The following SLC7A2 variants were observed in gnomAD, a reference collection of about 807,000 sequenced individuals.
SLC7A2 encodes the protein solute carrier family 7 member 2.
A neutral mutation model predicts 58.9 loss-of-function variants in SLC7A2; 48 were observed. The observed-to-expected ratio is 0.82, with a 90% CI of 0.65 to 1.04. SLC7A2 has a LOEUF of 1.04. Among genes scored for constraint, SLC7A2 ranks in the 50% least tolerant of loss-of-function variants. The pLI, the probability that SLC7A2 is intolerant of heterozygous loss-of-function variation, is 0.00. For synonymous variants in SLC7A2, 363 were observed against 314.5 expected, an observed-to-expected ratio of 1.15 and a Z score of -1.63; for missense variants, 1,029 against 818.8, an observed-to-expected ratio of 1.26 and a Z score of -3.13.
At chr8:17,548,018 C>G (rs1354020731) in intron 4 of SLC7A2, among the ~76,000 whole-genome samples, 1 of 152,116 alleles carries the variant, frequency 6.6e-6, no homozygotes, top group East Asian at 1.9e-4. Context: ...GCATGGCAGA[C>G]AAATGTTTTA....
intron 2 of SLC7A2, among the ~76,000 whole-genome samples, chr8:17,539,809 C>T (rs1801832053): frequency 6.6e-6 from 1 of 152,156 alleles, no homozygotes; most frequent in Non-Finnish European, 1.5e-5. Context: ...ATGGAATCAC[C>T]TCCAAAACCC....
intron 9 of SLC7A2, among the ~76,000 whole-genome samples, chr8:17,559,359 C>G (rs533095586): frequency 2.6e-4 from 40 of 152,250 alleles, no homozygotes; most frequent in Middle Eastern, 6.8e-3. Flanking sequence ...GGGAAGCAAA[C>G]ATGTCCTTCT....
upstream of SLC7A2, among the ~76,000 whole-genome samples, chr8:17,495,312 G>C (rs958317978): frequency 5.9e-5 from 9 of 152,064 alleles, no homozygotes; most frequent in Non-Finnish European, 1.3e-4. Context: ...ATTAGACAAA[G>C]TATCTGAGTC....
At chr8:17,545,323 G>A (rs377014748) in intron 4 of SLC7A2, among the ~76,000 whole-genome samples, 5 of 151,436 alleles carry the variant, frequency 3.3e-5, no homozygotes, top group South Asian at 4.2e-4. Context: ...AAGCACTCAC[G>A]TGGTGGCTGA....
At chr8:17,560,003 C>G (rs1238552331) in intron 9 of SLC7A2, among the ~76,000 whole-genome samples, 2 of 152,178 alleles carry the variant, frequency 1.3e-5, no homozygotes, top group African/African-American at 2.4e-5. Context: ...TTTTCATGAA[C>G]CGCATTTCCT....
At chr8:17,530,999 A>G (rs1439073808) in intron 2 of SLC7A2, among the ~76,000 whole-genome samples, 1 of 152,218 alleles carries the variant, frequency 6.6e-6, no homozygotes, top group East Asian at 1.9e-4. Flanking sequence ...ATTTAAAATG[A>G]AGGAAGGCTA....
intron 8 of SLC7A2, among the ~76,000 whole-genome samples, chr8:17,555,304 T>C (rs1270239266): frequency 6.6e-6 from 1 of 152,144 alleles, no homozygotes. Flanking sequence ...TTTTTTTTAC[T>C]GTTTTGTTAT....
Position 17,539,664 on chromosome 8 carries a change from C to A in SLC7A2, c.-22-3654C>A, listed in dbSNP as rs188609072. Among the ~76,000 whole-genome samples the A allele has an allele frequency of 2.3e-3, 351 of 152,218 alleles. 7 individuals carry two copies. The highest frequency in any genetic ancestry group is 0.018 in the Admixed American group (274 of 15,276). ...ATGGGCCACTTCCCAAAATCTGCAT[C>A]ATTGTTCTTATACTACATGCGTGTA... On this transcript the variant is annotated intron_variant, in intron 2 of 12. Coordinates refer to ENST00000494857, the MANE Select transcript of SLC7A2 (RefSeq NM_001370338.1).
At chr8:17,497,008 C>CGGAGGAGGCT (rs201208862), upstream of SLC7A2, 10,563 of 150,486 alleles carry the variant, frequency 0.07, 535 homozygotes, top group Non-Finnish European at 0.1. Flanking sequence ...TCCGGGAGCG[C>CGGAGGAGGCT]GGAGGAGGCG....
chr8:17,563,665 G>T lies in SLC7A2; in HGVS notation c.1734G>T (p.Gln578His). 2 of 1,613,524 alleles carry T rather than the reference G, an allele frequency of 1.2e-6. No individual in the cohort carries two copies. The highest frequency in any genetic ancestry group is 8.5e-7 in the Non-Finnish European group (1 of 1,179,552). ...TGGTGAACATTTACTTGATGGTCCA[G>T]TTAAGTGCAGACACTTGGGTCAGAT... is the stretch of plus-strand genomic sequence containing the variant. Reference protein sequence around the residue: ...SILVNIYLMVQLSADTWVRFS... With the variant: ...SILVNIYLMVHLSADTWVRFS... Residue 578 changes from glutamine (Q) to histidine (H), a missense_variant, in exon 12 of 13, where the codon CAG becomes CAT. Gln to His is a conservative substitution (Grantham distance 24). Transcript: ENST00000494857.
rs7842109 is a variant in SLC7A2 at position 17,565,319 on chromosome 8, A to C, written c.*173A>C. The C allele has an allele frequency of 0.069, 40,435 of 587,864 alleles. 3,563 individuals are homozygous for C. The highest frequency in any genetic ancestry group is 0.32 in the African/African-American group (17,025 of 53,650). 36.4% of individuals were successfully genotyped at this position (587,864 alleles called of 1,614,324 possible). A position where few individuals can be genotyped will look rare whatever the true frequency, so the allele number is the denominator to read the frequency against. On this transcript the variant is annotated 3_prime_UTR_variant, in exon 13 of 13. Coordinates refer to ENST00000494857, the MANE Select transcript of SLC7A2 (RefSeq NM_001370338.1). ...TCTCCTCAGATGGTGAATTATGTGC[A>C]CGGGGAAACCTCCTGAGTGGAAGTT...
At chr8:17,503,262 G>C (rs1311114901) in intron 2 of SLC7A2, among the ~76,000 whole-genome samples, 3 of 152,064 alleles carry the variant, frequency 2.0e-5, no homozygotes, top group African/African-American at 7.2e-5. Flanking sequence ...GCGTTAGCCA[G>C]GGTGGTCTCG....
chr8:17,535,132 C>T (rs755092547), intron 2 of SLC7A2, among the ~76,000 whole-genome samples: 7 of 152,104 alleles, frequency 4.6e-5, no homozygotes, highest in Non-Finnish European at 8.8e-5. Flanking sequence ...CTATTGCCAC[C>T]AGGGTCAAGT....
In SLC7A2 at chr8:17,548,748, C is replaced by G. The variant is rs1221200556; in HGVS notation, c.603C>G (p.Val201=). ...NKVFTAVNIL[V]LLFVMVAGFV... ...TCTTCACAGCTGTTAATATTCTCGTCCTTCTGTTTGTGATGGTTGCTGGGT... is the reference window on the plus strand; with the variant it reads ...TCTTCACAGCTGTTAATATTCTCGTGCTTCTGTTTGTGATGGTTGCTGGGT... Residue 201 remains valine, a synonymous_variant, in exon 5 of 13, where the codon GTC becomes GTG. Transcript: ENST00000494857. 10 of 1,613,620 alleles carry G rather than the reference C, an allele frequency of 6.2e-6. No homozygotes were observed. Among genetic ancestry groups the G allele is most frequent in the Admixed American group, 1.7e-5 (1 of 60,000 alleles).
chr8:17,522,764 A>C (rs1801066799), intron 2 of SLC7A2, among the ~76,000 whole-genome samples: 1 of 152,116 alleles, frequency 6.6e-6, no homozygotes. Flanking sequence ...GGCTGGGTAC[A>C]GTGGCTCATC....
chr8:17,519,588 T>G (rs1800934870), intron 2 of SLC7A2, among the ~76,000 whole-genome samples: 1 of 152,170 alleles, frequency 6.6e-6, no homozygotes, highest in Admixed American at 6.5e-5. Flanking sequence ...TTGGGTTCTT[T>G]TCACTATGAC....
rs557885247 is a variant in SLC7A2, at chr8:17,550,406, T to C, written c.804T>C (p.Phe268=). 1 of 1,613,764 alleles carries C rather than the reference T, an allele frequency of 6.2e-7. No homozygotes were observed. The highest frequency in any genetic ancestry group is 2.2e-5 in the East Asian group (1 of 44,880). The change falls in exon 6 of 13, where the codon TTT becomes TTC. Residue 268 remains phenylalanine, a synonymous_variant. Coordinates refer to ENST00000494857, the MANE Select transcript of SLC7A2 (RefSeq NM_001370338.1). ...GTGCTGCAACTTGCTTTTATGCCTT[T>C]GTGGGATTTGACTGCATTGCAACAA... ...LAGAATCFYA[F]VGFDCIATTG...
At chr8:17,562,177 AGTATTTTTTTTT>A in intron 11 of SLC7A2, 67 bp downstream of exon 11, 1 of 601,610 alleles carries the variant, frequency 1.7e-6, no homozygotes, top group Non-Finnish European at 2.3e-6. Flanking sequence ...TAGTTTGGTA[AGTATTTTTTTTT>A]TTTTTTTTTT....
At chr8:17,504,349 G>C (rs1800282915) in intron 2 of SLC7A2, among the ~76,000 whole-genome samples, 1 of 152,126 alleles carries the variant, frequency 6.6e-6, no homozygotes. Flanking sequence ...TCAGTGTCTA[G>C]GGGATTGAAA....
Sources: gnomAD v4.1 joint callset for allele counts (sites outside exome capture counted in the v4.1 genomes callset) on GRCh38, gnomAD v4.1.1 for gene constraint, MANE v1.5 for transcripts, NCBI Gene and HGNC (gene_info 2026-07-23, HGNC 2026-07-21) for gene names.